SMYD3: variants seen among roughly 807,000 people sequenced by gnomAD.
SMYD3 encodes histone-lysine N-methyltransferase SMYD3.
In SMYD3, 36 loss-of-function variants were observed where a neutral mutation model predicts 57.7. The observed-to-expected ratio is 0.62, with a 90% CI of 0.48 to 0.82. The LOEUF is 0.82. SMYD3 is among the 40% of genes least tolerant of loss of function. The pLI is 0.00. For synonymous variants in SMYD3, 211 were observed against 195.0 expected, an observed-to-expected ratio of 1.08 and a Z score of -0.68; for missense variants, 515 against 538.8, an observed-to-expected ratio of 0.96 and a Z score of 0.44.
At chr1:246,041,029 T>G (rs1451669041) in intron 5 of SMYD3, among the ~76,000 whole-genome samples, 1 of 152,220 alleles carries the variant, frequency 6.6e-6, no homozygotes, top group Non-Finnish European at 1.5e-5. Flanking sequence ...AAGATTATAA[T>G]ACTGTATTTT....
chr1:246,239,775 T>A (rs2063575366), intron 5 of SMYD3, among the ~76,000 whole-genome samples: 1 of 152,162 alleles, frequency 6.6e-6, no homozygotes, highest in Non-Finnish European at 1.5e-5. Context: ...TTTTTAATGA[T>A]CGCCATTCTA....
chr1:246,184,779 G>C (rs770837090), intron 5 of SMYD3, among the ~76,000 whole-genome samples: 3 of 152,184 alleles, frequency 2.0e-5, no homozygotes, highest in Admixed American at 1.3e-4. Context: ...CCATCTGCAA[G>C]CCAGGAAGAG....
intron 10 of SMYD3, among the ~76,000 whole-genome samples, chr1:245,812,146 G>A (rs2048507129): frequency 6.6e-6 from 1 of 151,938 alleles, no homozygotes; most frequent in Middle Eastern, 3.2e-3. Flanking sequence ...TCACGTGTGT[G>A]GGCAACTCAC....
intron 10 of SMYD3, among the ~76,000 whole-genome samples, chr1:245,815,587 G>C (rs1297665765): frequency 6.6e-6 from 1 of 152,230 alleles, no homozygotes; most frequent in Non-Finnish European, 1.5e-5. Flanking sequence ...ACAGATCCCA[G>C]TTATCAACAT....
chr1:246,254,730 C>T (rs1199544503), intron 5 of SMYD3, among the ~76,000 whole-genome samples: 1 of 152,162 alleles, frequency 6.6e-6, no homozygotes, highest in African/African-American at 2.4e-5. Context: ...GGCAGAATGG[C>T]CATTTTAGTG....
intron 1 of SMYD3, among the ~76,000 whole-genome samples, chr1:246,381,441 G>C (rs2066384119): frequency 6.6e-6 from 1 of 152,198 alleles, no homozygotes; most frequent in African/African-American, 2.4e-5. Flanking sequence ...GTGAGAAACA[G>C]AGGCGAACAG....
intron 5 of SMYD3, among the ~76,000 whole-genome samples, chr1:246,275,340 A>G (rs1245284516): frequency 6.6e-6 from 1 of 152,218 alleles, no homozygotes; most frequent in Non-Finnish European, 1.5e-5. Flanking sequence ...ATGGAGTCTG[A>G]TGCCCAAGTT....
chr1:245,815,839 T>C (rs114371923), intron 10 of SMYD3, among the ~76,000 whole-genome samples: 2,761 of 152,330 alleles, frequency 0.018, 31 homozygotes, highest in Non-Finnish European at 0.029. Context: ...TTTCACAGCC[T>C]TCACAGCCTG....
intron 5 of SMYD3, among the ~76,000 whole-genome samples, chr1:246,138,737 T>G (rs1238441448): frequency 6.6e-6 from 1 of 152,094 alleles, no homozygotes; most frequent in Non-Finnish European, 1.5e-5. Flanking sequence ...AAATTTATTT[T>G]TAAAAAAAGT....
At chr1:246,415,958 C>A (rs1176843427) in intron 1 of SMYD3, among the ~76,000 whole-genome samples, 2 of 152,130 alleles carry the variant, frequency 1.3e-5, no homozygotes, top group South Asian at 4.1e-4. Context: ...AACTCCCACA[C>A]GTAAGTACAC....
chr1:246,124,652 A>C (rs556766652), intron 5 of SMYD3, among the ~76,000 whole-genome samples: 25 of 152,356 alleles, frequency 1.6e-4, no homozygotes, highest in Middle Eastern at 3.4e-3. Context: ...TGACTACAAT[A>C]AAAGGCAGAT....
chr1:246,287,953 A>G (rs2064604517), intron 5 of SMYD3, among the ~76,000 whole-genome samples: 1 of 151,734 alleles, frequency 6.6e-6, no homozygotes, highest in Admixed American at 6.6e-5. Flanking sequence ...ACCACCTAGG[A>G]AGGCCTTGGA....
chr1:246,470,131 A>G (rs919019318), intron 1 of SMYD3, among the ~76,000 whole-genome samples: 2 of 152,214 alleles, frequency 1.3e-5, no homozygotes, highest in African/African-American at 4.8e-5. Flanking sequence ...ATCATAAAAG[A>G]TGAGAAAAGG....
rs190707491 is a variant in SMYD3, at chr1:246,496,303, G to C, written c.164+10751C>G. Among the ~76,000 whole-genome samples the C allele has an allele frequency of 3.9e-3, 598 of 152,002 alleles. 3 individuals are homozygous for C. The highest frequency in any genetic ancestry group is 0.014 in the African/African-American group (564 of 41,498). ...CCCGTCTCAGCCTCCCAAGGTGCTG[G>C]GATTACAGGCGTGAGCCACCACGCC... On this transcript the variant is annotated intron_variant, in intron 1 of 11. Coordinates refer to ENST00000490107, the MANE Select transcript of SMYD3 (RefSeq NM_001167740.2).
In SMYD3 at chr1:245,817,186, G is replaced by A. The variant is rs1186123662; in HGVS notation, c.1076+41310C>T. The stretch of plus-strand genomic sequence containing the variant: ...AAGAGAGCAGTGGTTCTCCCAGCAC[G>A]CAGCTGGAGATCTGAGAACGGGCAG... On this transcript the variant is annotated intron_variant, in intron 10 of 11. Transcript: ENST00000490107. Among the ~76,000 whole-genome samples the A allele has an allele frequency of 4.0e-3, 594 of 148,788 alleles. 6 individuals are homozygous for A. Among genetic ancestry groups the A allele is most frequent in the Middle Eastern group, 6.9e-3 (2 of 288 alleles).
intron 5 of SMYD3, among the ~76,000 whole-genome samples, chr1:246,077,816 G>A (rs557123734): frequency 5.3e-5 from 8 of 152,094 alleles, no homozygotes; most frequent in African/African-American, 1.9e-4. Flanking sequence ...TTATGTATCT[G>A]ACACCTCTGC....
intron 5 of SMYD3, among the ~76,000 whole-genome samples, chr1:246,190,341 C>T (rs2062712910): frequency 6.6e-6 from 1 of 152,146 alleles, no homozygotes. Flanking sequence ...AATCCCAACA[C>T]TCTGGGAGGC....
intron 5 of SMYD3, among the ~76,000 whole-genome samples, chr1:246,070,938 A>G (rs1413230361): frequency 6.6e-6 from 1 of 152,248 alleles, no homozygotes; most frequent in African/African-American, 2.4e-5. Flanking sequence ...ATTGGCAACC[A>G]TAAATTTTAA....
chr1:246,221,594 G>A (rs556533996), intron 5 of SMYD3, among the ~76,000 whole-genome samples: 17 of 152,266 alleles, frequency 1.1e-4, no homozygotes, highest in South Asian at 8.3e-4. Flanking sequence ...CACATTCCCC[G>A]GTGCCAGACG....
Sources: gnomAD v4.1 joint callset for allele counts (sites outside exome capture counted in the v4.1 genomes callset) on GRCh38, gnomAD v4.1.1 for gene constraint, MANE v1.5 for transcripts, NCBI Gene and HGNC (gene_info 2026-07-23, HGNC 2026-07-21) for gene names.